Variants in DACH1 observed in about 807,000 individuals in gnomAD.
The protein encoded by DACH1 is dachshund family transcription factor 1, also known as dachshund homolog 1.
In DACH1, 12 loss-of-function variants were observed where a neutral mutation model predicts 54.2. That is an observed-to-expected ratio of 0.22 (90% CI 0.14 to 0.36). DACH1 has a LOEUF of 0.36. Ranked by LOEUF, DACH1 falls within the 10% of genes least tolerant of loss-of-function variation. The probability of loss-of-function intolerance (pLI) is 1.00; values close to 1 mark genes in which losing one functional copy is unlikely to be tolerated. For synonymous variants in DACH1, 386 were observed against 366.2 expected (o/e 1.05, Z -0.62); for missense variants, 805 against 929.8 (o/e 0.87, Z 1.75).
chr13:71,442,317 T>C (rs2138095726), intron 10 of DACH1, among the ~76,000 whole-genome samples: 1 of 152,246 alleles, frequency 6.6e-6, no homozygotes, highest in East Asian at 1.9e-4. Flanking sequence ...CTTGGCTTAT[T>C]TCACTTAGCA....
At chr13:71,639,052 C>T (rs561980497) in intron 2 of DACH1, among the ~76,000 whole-genome samples, 1 of 152,260 alleles carries the variant, frequency 6.6e-6, no homozygotes, top group South Asian at 2.1e-4. Flanking sequence ...AATTACAACT[C>T]AATTGAAATC....
intron 10 of DACH1, among the ~76,000 whole-genome samples, chr13:71,442,487 G>T (rs542222161): frequency 5.3e-5 from 8 of 152,192 alleles, no homozygotes; most frequent in Non-Finnish European, 1.0e-4. Flanking sequence ...GAATAATGCT[G>T]CAATAAAACA....
At chr13:71,517,615 C>T (rs1453546765) in intron 6 of DACH1, among the ~76,000 whole-genome samples, 1 of 151,826 alleles carries the variant, frequency 6.6e-6, no homozygotes, top group African/African-American at 2.4e-5. Flanking sequence ...ACCAAATAAA[C>T]GTTAAGGAAA....
chr13:71,564,592 T>C (rs1372643435), intron 4 of DACH1, among the ~76,000 whole-genome samples: 1 of 151,774 alleles, frequency 6.6e-6, no homozygotes, highest in African/African-American at 2.4e-5. Context: ...TAATTCAGAA[T>C]CAAAAATAGA....
chr13:71,601,040 TA>T (rs1874456391), intron 3 of DACH1, among the ~76,000 whole-genome samples: 1 of 152,094 alleles, frequency 6.6e-6, no homozygotes, highest in Non-Finnish European at 1.5e-5. Context: ...AAATGCCACT[TA>T]AATATTCATA....
At chr13:71,716,020 A>G (rs959788967) in intron 1 of DACH1, among the ~76,000 whole-genome samples, 9 of 152,080 alleles carry the variant, frequency 5.9e-5, no homozygotes, top group African/African-American at 1.9e-4. Context: ...TAAACTTCTT[A>G]TCTTCTACCT....
chr13:71,790,986 A>G (rs570470119), intron 1 of DACH1, among the ~76,000 whole-genome samples: 1 of 152,214 alleles, frequency 6.6e-6, no homozygotes, highest in Non-Finnish European at 1.5e-5. Flanking sequence ...AACTCAAATT[A>G]TTAGGTCTTC....
chr13:71,742,494 A>G (rs1197286117), intron 1 of DACH1, among the ~76,000 whole-genome samples: 2 of 151,830 alleles, frequency 1.3e-5, no homozygotes, highest in African/African-American at 4.9e-5. Context: ...TTAGTTAAAT[A>G]TGAGACATTC....
intron 1 of DACH1, among the ~76,000 whole-genome samples, chr13:71,788,346 A>G (rs1886691558): frequency 6.6e-6 from 1 of 152,188 alleles, no homozygotes; most frequent in Non-Finnish European, 1.5e-5. Context: ...AGACTCTTAT[A>G]GCCAGTTTCT....
intron 3 of DACH1, among the ~76,000 whole-genome samples, chr13:71,617,971 G>C (rs1875909476): frequency 6.6e-6 from 1 of 152,090 alleles, no homozygotes; most frequent in African/African-American, 2.4e-5. Context: ...TAAAATGGAT[G>C]TCATATCCAT....
chr13:71,576,291 A>C (rs1357254361), intron 3 of DACH1, among the ~76,000 whole-genome samples: 1 of 152,196 alleles, frequency 6.6e-6, no homozygotes, highest in Non-Finnish European at 1.5e-5. Flanking sequence ...GTGTGTGTTT[A>C]GATTTTCTTC....
At chr13:71,453,825 T>C (rs1875298068) in intron 10 of DACH1, among the ~76,000 whole-genome samples, 1 of 152,132 alleles carries the variant, frequency 6.6e-6, no homozygotes, top group Admixed American at 6.6e-5. Flanking sequence ...TCTCAAAACT[T>C]TTCAGTAAAT....
intron 6 of DACH1, among the ~76,000 whole-genome samples, chr13:71,499,524 A>G (rs558228827): frequency 3.0e-4 from 45 of 152,272 alleles, no homozygotes; most frequent in African/African-American, 9.9e-4. Flanking sequence ...TTATTAAGGG[A>G]CTGTTTGCCT....
chr13:71,635,319 A>T (rs1030315706), intron 2 of DACH1, among the ~76,000 whole-genome samples: 1 of 151,888 alleles, frequency 6.6e-6, no homozygotes, highest in Non-Finnish European at 1.5e-5. Flanking sequence ...CCCTCAACCC[A>T]CTCTGCATTT....
intron 3 of DACH1, among the ~76,000 whole-genome samples, chr13:71,602,880 A>T (rs1325550145): frequency 6.6e-6 from 1 of 151,952 alleles, no homozygotes; most frequent in Non-Finnish European, 1.5e-5. Flanking sequence ...AGAAATGGAG[A>T]TCATATGCTG....
intron 2 of DACH1, among the ~76,000 whole-genome samples, chr13:71,638,985 C>G (rs901140342): frequency 3.9e-5 from 6 of 152,078 alleles, no homozygotes; most frequent in Non-Finnish European, 7.4e-5. Flanking sequence ...CTGACAGTTC[C>G]TATAGACTCT....
chr13:71,643,681 G>C (rs1878066420), intron 2 of DACH1, among the ~76,000 whole-genome samples: 1 of 152,076 alleles, frequency 6.6e-6, no homozygotes, highest in South Asian at 2.1e-4. Flanking sequence ...CAAGAAACTG[G>C]TAATAAATGA....
rs749499953 is a variant in DACH1 at position 71,598,255 on chromosome 13, T to A, written c.1127-25243A>T. Among the ~76,000 whole-genome samples, 18 of 151,930 alleles carry A rather than the reference T, an allele frequency of 1.2e-4. 1 individual carries two copies. The highest frequency in any genetic ancestry group is 2.2e-4 in the Non-Finnish European group (15 of 67,972). ...TTTGATAAATGTTGCAATTTAAAAT[T>A]TATTGATGCTTTTTTTTGAGATGGA... On this transcript the variant is annotated intron_variant, in intron 3 of 10. Transcript: ENST00000613252.
chr13:71,796,481 G>A (rs565904828), intron 1 of DACH1, among the ~76,000 whole-genome samples: 4 of 151,834 alleles, frequency 2.6e-5, no homozygotes, highest in African/African-American at 9.7e-5. Context: ...TTCAGTATTA[G>A]TAATTCCCAT....
Sources: gnomAD v4.1 joint callset for allele counts (sites outside exome capture counted in the v4.1 genomes callset) on GRCh38, gnomAD v4.1.1 for gene constraint, MANE v1.5 for transcripts, NCBI Gene and HGNC (gene_info 2026-07-23, HGNC 2026-07-21) for gene names.